The following SUFU variants were observed in gnomAD, a reference collection of about 807,000 sequenced individuals.
The protein encoded by SUFU is suppressor of fused homolog.
In SUFU, 7 loss-of-function variants were observed where a neutral mutation model predicts 58.9. The ratio of observed to expected loss-of-function variants is 0.12; its 90% confidence interval spans 0.07 to 0.22. The LOEUF (loss-of-function observed/expected upper bound fraction) is 0.22. Ranked by LOEUF, SUFU falls within the 10% of genes least tolerant of loss-of-function variation. The probability of loss-of-function intolerance (pLI) is 1.00; values close to 1 mark genes in which losing one functional copy is unlikely to be tolerated. For synonymous variants in SUFU, 232 were observed against 254.8 expected (o/e 0.91, Z 0.85); for missense variants, 451 against 641.3 (o/e 0.70, Z 3.20).
intron 2 of SUFU, among the ~76,000 whole-genome samples, chr10:102,546,454 C>T (rs959736852): frequency 2.0e-5 from 3 of 152,208 alleles, no homozygotes; most frequent in African/African-American, 7.2e-5. Flanking sequence ...AAATGCTTTG[C>T]TCTGACCCAG....
Position 102,512,090 on chromosome 10 carries a change from T to C in SUFU, c.317+2787T>C, listed in dbSNP as rs2062407054. On this transcript the variant is annotated intron_variant, in intron 2 of 11. Coordinates refer to ENST00000369902, the MANE Select transcript of SUFU (RefSeq NM_016169.4). Reference sequence around the variant, plus strand: ...TAACCCAACTTCCTCTTCTCTCTTGTTAAGCTCAGAGGCCCAGGTTTCATC... The same window carrying C: ...TAACCCAACTTCCTCTTCTCTCTTGCTAAGCTCAGAGGCCCAGGTTTCATC... 2.0e-5 allele frequency among the ~76,000 whole-genome samples: 3 copies of C among 152,214 alleles called. No homozygotes were observed. The South Asian group carries it at 6.2e-4, about 31-fold the overall frequency.
chr10:102,627,511 G>A (rs1288453912), intron 11 of SUFU, among the ~76,000 whole-genome samples: 1 of 152,260 alleles, frequency 6.6e-6, no homozygotes, highest in Non-Finnish European at 1.5e-5. Context: ...CAAATCGTCT[G>A]AATTGCCAGC....
At chr10:102,511,952 T>C (rs2062405305) in intron 2 of SUFU, among the ~76,000 whole-genome samples, 1 of 152,234 alleles carries the variant, frequency 6.6e-6, no homozygotes. Flanking sequence ...GCTGAAGCGA[T>C]CTTCCTGCCT....
chr10:102,613,979 G>C (rs1228602437), intron 8 of SUFU, among the ~76,000 whole-genome samples: 4 of 152,218 alleles, frequency 2.6e-5, no homozygotes, highest in Non-Finnish European at 5.9e-5. Context: ...CTGCTTTCCA[G>C]CCAAGCCCAC....
chr10:102,502,857 C>A, upstream of SUFU: 1 of 596,016 alleles, frequency 1.7e-6, no homozygotes, highest in South Asian at 2.0e-5. Context: ...GATTGGGAGT[C>A]GCATTTCCAA....
chr10:102,562,253 G>A (rs1250230407), intron 3 of SUFU, among the ~76,000 whole-genome samples: 3 of 152,032 alleles, frequency 2.0e-5, no homozygotes, highest in Non-Finnish European at 4.4e-5. Context: ...TGCCAGGTGC[G>A]GTGGCTCACG....
At chr10:102,539,841 G>A (rs2062780052) in intron 2 of SUFU, among the ~76,000 whole-genome samples, 1 of 152,166 alleles carries the variant, frequency 6.6e-6, no homozygotes, top group Non-Finnish European at 1.5e-5. Flanking sequence ...AAGAGATTTA[G>A]GAGAAAGAAT....
chr10:102,606,970 G>A (rs1359940844), intron 8 of SUFU, among the ~76,000 whole-genome samples: 1 of 152,118 alleles, frequency 6.6e-6, no homozygotes, highest in Non-Finnish European at 1.5e-5. Context: ...AGGATCCTCT[G>A]GAGAAATGTC....
At chr10:102,559,282 G>A (rs773672232) in intron 3 of SUFU, among the ~76,000 whole-genome samples, 5 of 152,216 alleles carry the variant, frequency 3.3e-5, no homozygotes, top group Admixed American at 6.5e-5. Context: ...GGCCTGGCTC[G>A]CAGAAGGGAA....
At chr10:102,576,053 C>T (rs2063209134) in intron 3 of SUFU, among the ~76,000 whole-genome samples, 2 of 149,646 alleles carry the variant, frequency 1.3e-5, no homozygotes, top group African/African-American at 2.5e-5. Flanking sequence ...GGTATGTTGT[C>T]CAGGCTGGTC....
At chr10:102,551,215 G>A (rs2062911521) in intron 3 of SUFU, among the ~76,000 whole-genome samples, 1 of 152,200 alleles carries the variant, frequency 6.6e-6, no homozygotes, top group African/African-American at 2.4e-5. Context: ...GTCCCCTCAT[G>A]GAGGCTACAA....
At chr10:102,597,118 C>G (rs1322202260) in intron 6 of SUFU, 22 bp from the exon 7 acceptor site, 1 of 1,613,740 alleles carries the variant, frequency 6.2e-7, no homozygotes, top group Non-Finnish European at 8.5e-7. Flanking sequence ...AGAACTCTGG[C>G]TCTTTGGTTC....
rs1309728243 is a variant in SUFU, at chr10:102,617,697, G to C, written c.1296+269G>C. On this transcript the variant is annotated intron_variant, in intron 10 of 11. Transcript: ENST00000369902. This position sits in a 1 kb window ranked among gnomAD's most constrained non-coding sequence, Gnocchi z 4.4. Reference sequence around the variant, plus strand: ...CAGGCCCTGGCTCTTGGTAATTCTGGTTCCCCGTGGAAATCCAGGTTGGAG... The same window carrying C: ...CAGGCCCTGGCTCTTGGTAATTCTGCTTCCCCGTGGAAATCCAGGTTGGAG... 1.2e-5 allele frequency: 7 copies of C among 602,092 alleles called. No individual in the cohort carries two copies. The highest frequency in any genetic ancestry group is 1.9e-5 in the African/African-American group (1 of 53,806). The allele number at this position is 602,092 out of a possible 1,614,324, so 37.3% of individuals were successfully genotyped here.
intron 8 of SUFU, among the ~76,000 whole-genome samples, 177 bp downstream of exon 8, chr10:102,599,721 G>A (rs935292820): frequency 1.1e-4 from 17 of 152,214 alleles, no homozygotes; most frequent in African/African-American, 4.1e-4. Context: ...TGGGTCATAG[G>A]AGAGGGCCTC....
At position 102,592,636 on chromosome 10, in the gene SUFU, G is replaced by A. The variant is rs1357846729; in HGVS notation, c.509G>A (p.Ser170Asn). The part of the protein sequence containing the change: ...HVSWHSPLDN[S>N]ESRIQHMLLT... The stretch of plus-strand genomic sequence containing the variant: ...TCCTGGCACAGCCCTTTGGATAACA[G>A]TGAGTCAAGAATTCAGCACATGCTG... The change falls in exon 4 of 12, where the codon AGT becomes AAT. Residue 170 changes from serine (S) to asparagine (N), a missense_variant. By Grantham distance (46) the Ser-to-Asn change is conservative (BLOSUM62 1). Coordinates refer to ENST00000369902, the MANE Select transcript of SUFU (RefSeq NM_016169.4). 1 of 1,614,184 alleles carries A rather than the reference G, an allele frequency of 6.2e-7. No individual in the cohort carries two copies. The highest frequency in any genetic ancestry group is 8.5e-7 in the Non-Finnish European group (1 of 1,180,032).
chr10:102,558,006 T>A (rs2135764324), intron 3 of SUFU, among the ~76,000 whole-genome samples: 1 of 152,098 alleles, frequency 6.6e-6, no homozygotes, highest in Admixed American at 6.5e-5. Context: ...TTCAAGCAGT[T>A]CTCCTTCCTC....
At chr10:102,553,242 A>T (rs2062939410) in intron 3 of SUFU, among the ~76,000 whole-genome samples, 1 of 152,224 alleles carries the variant, frequency 6.6e-6, no homozygotes, top group Non-Finnish European at 1.5e-5. Context: ...AAATAATGGG[A>T]AAATGATAAA....
upstream of SUFU, among the ~76,000 whole-genome samples, chr10:102,502,961 T>C (rs2062270339): frequency 6.6e-6 from 1 of 152,226 alleles, no homozygotes; most frequent in African/African-American, 2.4e-5. Flanking sequence ...GTAGTCCCTT[T>C]GAAGGAGTTC....
intron 3 of SUFU, among the ~76,000 whole-genome samples, chr10:102,576,625 G>T (rs539859119): frequency 1.3e-3 from 192 of 152,278 alleles, no homozygotes; most frequent in African/African-American, 4.5e-3. Flanking sequence ...GGGTCAAAGG[G>T]AAGTTACCTT....
Sources: allele counts gnomAD v4.1 joint callset (sites outside exome capture counted in the v4.1 genomes callset), GRCh38; gene constraint gnomAD v4.1.1; non-coding constraint Gnocchi (gnomAD v3.1); transcripts MANE v1.5; gene names NCBI Gene and HGNC (gene_info 2026-07-23, HGNC 2026-07-21).